The following SH2D4B variants were observed in gnomAD, a reference collection of about 807,000 sequenced individuals.
SH2D4B encodes the protein SH2 domain containing 4B, also known as SH2 domain-containing protein 4B.
A neutral mutation model predicts 61.5 loss-of-function variants in SH2D4B; 45 were observed. The observed-to-expected ratio is 0.73, with a 90% CI of 0.58 to 0.94. The LOEUF (loss-of-function observed/expected upper bound fraction) is 0.94. Ranked by LOEUF, SH2D4B falls within the 40% of genes least tolerant of loss-of-function variation. The pLI, the probability that SH2D4B is intolerant of heterozygous loss-of-function variation, is 0.00. For missense variants in SH2D4B, 572 were observed against 574.2 expected (o/e 1.00, Z 0.04); for synonymous variants, 224 against 220.4 (o/e 1.02, Z -0.14).
intron 7 of SH2D4B, among the ~76,000 whole-genome samples, chr10:80,635,351 G>A (rs1476454651): frequency 3.9e-5 from 6 of 152,178 alleles, no homozygotes; most frequent in Admixed American, 3.9e-4. Flanking sequence ...GATTCCGAGG[G>A]GCAGAGTGGT....
intron 1 of SH2D4B, among the ~76,000 whole-genome samples, chr10:80,561,063 T>A (rs1841896577): frequency 6.6e-6 from 1 of 152,210 alleles, no homozygotes; most frequent in South Asian, 2.1e-4. Flanking sequence ...AACTGATGTA[T>A]GATGAGTGTT....
Position 80,603,672 on chromosome 10 carries a change from A to C in SH2D4B, c.737A>C (p.Lys246Thr), listed in dbSNP as rs772848480. 5.0e-6 allele frequency: 8 copies of C among 1,610,516 alleles called. No homozygotes were observed. In the African/African-American group the frequency reaches 1.1e-4, roughly 21 times the overall value. ...CACCACTCGCTCCGTGCTATCCAGA[A>C]GGGCACGGTCGCTGGCCTCAGCTCC... ...YRHHSLRAIQ[K>T]GTVAGLSSMF... is the part of the protein sequence containing the mutation. Residue 246 changes from lysine (K) to threonine (T), a missense_variant, in exon 5 of 8, where the codon AAG becomes ACG. Coordinates refer to ENST00000646907, the MANE Select transcript of SH2D4B (RefSeq NM_001388272.1).
At chr10:80,543,751 C>CTA (rs943090790) in intron 1 of SH2D4B, among the ~76,000 whole-genome samples, 1 of 152,166 alleles carries the variant, frequency 6.6e-6, no homozygotes, top group African/African-American at 2.4e-5. Context: ...CACTCTGTAT[C>CTA]TAGCTCAAGG....
intron 6 of SH2D4B, among the ~76,000 whole-genome samples, chr10:80,628,095 C>A (rs1338069391): frequency 6.6e-6 from 1 of 152,112 alleles, no homozygotes. Flanking sequence ...TTGTAGGGTG[C>A]TCAGAAGAAG....
At chr10:80,612,821 C>T (rs1842617337) in intron 6 of SH2D4B, among the ~76,000 whole-genome samples, 1 of 152,148 alleles carries the variant, frequency 6.6e-6, no homozygotes. Context: ...TCCTCAAACA[C>T]ATGTGGATTT....
intron 3 of SH2D4B, among the ~76,000 whole-genome samples, chr10:80,587,138 T>TG (rs1451489318): frequency 9.4e-5 from 5 of 52,946 alleles, no homozygotes; most frequent in African/African-American, 4.4e-4. Flanking sequence ...ACGTTTTTTT[T>TG]TTTTTTTGTT....
intron 2 of SH2D4B, 113 bp downstream of exon 2, chr10:80,570,429 G>A (rs1468220341): frequency 2.2e-5 from 30 of 1,339,494 alleles, no homozygotes; most frequent in Non-Finnish European, 2.6e-5. Context: ...CATGTTGGCC[G>A]GGCTGGTCTC....
intron 1 of SH2D4B, among the ~76,000 whole-genome samples, chr10:80,563,962 A>T (rs1391273207): frequency 6.6e-6 from 1 of 152,250 alleles, no homozygotes; most frequent in African/African-American, 2.4e-5. Context: ...ATACGTTGGT[A>T]CATATAAAAC....
In SH2D4B at chr10:80,638,409, G is replaced by C. The variant is rs561723885; in HGVS notation, c.1209+3904G>C. Among the ~76,000 whole-genome samples, 1,191 of 152,208 alleles carry C rather than the reference G, an allele frequency of 7.8e-3. 16 individuals are homozygous for C. The highest frequency in any genetic ancestry group is 0.028 in the African/African-American group (1,144 of 41,542). On this transcript the variant is annotated intron_variant, in intron 7 of 7. Coordinates refer to ENST00000646907, the MANE Select transcript of SH2D4B (RefSeq NM_001388272.1). ...TGGTAGAATTTAGCTGTGAATCCGT[G>C]TGGTCCTGGACTTTTTTTGGTTGGT...
chr10:80,617,118 T>C (rs942688471), intron 6 of SH2D4B, among the ~76,000 whole-genome samples: 1 of 152,268 alleles, frequency 6.6e-6, no homozygotes, highest in Non-Finnish European at 1.5e-5. Context: ...TGTGATGCAG[T>C]GCAGCCTTGC....
At chr10:80,594,335 C>A (rs36093436) in intron 4 of SH2D4B, among the ~76,000 whole-genome samples, 19,849 of 152,176 alleles carry the variant, frequency 0.13, 1,692 homozygotes, top group African/African-American at 0.23. Flanking sequence ...TGGGATAAAT[C>A]CCACTTCTTT....
intron 4 of SH2D4B, among the ~76,000 whole-genome samples, chr10:80,595,298 T>C (rs1842373046): frequency 6.6e-6 from 1 of 152,216 alleles, no homozygotes; most frequent in South Asian, 2.1e-4. Context: ...TCTGTTTCTC[T>C]CTCCTAGGGA....
At chr10:80,584,783 G>A (rs72805729) in intron 3 of SH2D4B, among the ~76,000 whole-genome samples, 3,285 of 152,358 alleles carry the variant, frequency 0.022, 38 homozygotes, top group Middle Eastern at 0.044. Flanking sequence ...AAAGTATGGT[G>A]TATGGATGTT....
intron 5 of SH2D4B, among the ~76,000 whole-genome samples, chr10:80,605,777 C>T (rs960919413): frequency 6.6e-5 from 10 of 152,206 alleles, no homozygotes; most frequent in African/African-American, 2.2e-4. Context: ...CCTTGGCCTC[C>T]CAAAGTCCTG....
chr10:80,621,436 C>A (rs1842716743), intron 6 of SH2D4B, among the ~76,000 whole-genome samples: 1 of 152,170 alleles, frequency 6.6e-6, no homozygotes, highest in African/African-American at 2.4e-5. Flanking sequence ...CCTACATTTC[C>A]TGTTGATGAC....
chr10:80,538,907 A>G lies in SH2D4B; in HGVS notation c.184+392A>G, dbSNP rs1181802834. On this transcript the variant is annotated intron_variant, in intron 1 of 7. Transcript: ENST00000646907. This position sits in a 1 kb window ranked among gnomAD's most constrained non-coding sequence, Gnocchi z 4.8. ...TTGGTTCTGGGCCAGAGTGTGGTGT[A>G]GATATGCAGTTCCTTTCTCCTTGGC... is the stretch of plus-strand genomic sequence containing the variant. 6.6e-6 allele frequency among the ~76,000 whole-genome samples: 1 copy of G among 152,196 alleles called. No homozygotes were observed. The highest frequency in any genetic ancestry group is 2.4e-5 in the African/African-American group (1 of 41,448).
chr10:80,600,521 ATGTGTG>A (rs67885510), intron 4 of SH2D4B, among the ~76,000 whole-genome samples: 1 of 127,892 alleles, frequency 7.8e-6, no homozygotes, highest in Non-Finnish European at 1.8e-5. Context: ...GCAGAGTGGC[ATGTGTG>A]TGTGTGTGTG....
Position 80,588,691 on chromosome 10 carries a change from G to A in SH2D4B, c.557G>A (p.Arg186Lys), listed in dbSNP as rs1475489267. The A allele has an allele frequency of 1.2e-6, 2 of 1,614,106 alleles. No homozygotes were observed. Among genetic ancestry groups the A allele is most frequent in the Non-Finnish European group, 1.7e-6 (2 of 1,180,040 alleles). Residue 186 changes from arginine to lysine, a missense_variant, in exon 4 of 8, where the codon AGG becomes AAG. Transcript: ENST00000646907. ...CAGATTCGCCTCCAGGAAGAGCAGAGGGCGAAGGAGCTCTACTGGACCCTG... is the reference window on the plus strand; with the variant it reads ...CAGATTCGCCTCCAGGAAGAGCAGAAGGCGAAGGAGCTCTACTGGACCCTG... ...EEQIRLQEEQ[R>K]AKELYWTLKQ...
chr10:80,550,879 C>T (rs1370418423), intron 1 of SH2D4B, among the ~76,000 whole-genome samples: 1 of 151,558 alleles, frequency 6.6e-6, no homozygotes, highest in Non-Finnish European at 1.5e-5. Flanking sequence ...CTGTTTCTGC[C>T]ATGATGAAAA....
Sources: allele counts gnomAD v4.1 joint callset (sites outside exome capture counted in the v4.1 genomes callset), GRCh38; gene constraint gnomAD v4.1.1; non-coding constraint Gnocchi (gnomAD v3.1); transcripts MANE v1.5; gene names NCBI Gene and HGNC (gene_info 2026-07-23, HGNC 2026-07-21).